The following TNS2 variants were observed in gnomAD, a reference collection of about 807,000 sequenced individuals.
TNS2 encodes tensin-2.
Under a neutral mutation model 155.7 loss-of-function variants are expected in TNS2, and 77 were observed. The ratio of observed to expected loss-of-function variants is 0.49; its 90% CI spans 0.41 to 0.60. TNS2 has a LOEUF of 0.60. Ranked by LOEUF, TNS2 falls within the 20% of genes least tolerant of loss-of-function variation. The pLI, the probability that TNS2 is intolerant of heterozygous loss-of-function variation, is 0.00. For synonymous variants in TNS2, 726 were observed against 763.9 expected, an observed-to-expected ratio of 0.95 and a Z score of 0.82; for missense variants, 1,703 against 1,868.8, an observed-to-expected ratio of 0.91 and a Z score of 1.64.
chr12:53,057,939 T>A (rs1944218493), intron 13 of TNS2, 88 bp from the exon 14 acceptor site: 1 of 1,608,272 alleles, frequency 6.2e-7, no homozygotes, highest in Admixed American at 1.7e-5. Context: ...GGGCTCAGAC[T>A]CTGGTCTCCT....
rs1565613505 is a variant in TNS2, at chr12:53,062,409, T to C, written c.3701T>C (p.Ile1234Thr). 4 of 1,613,942 alleles carry C rather than the reference T, an allele frequency of 2.5e-6. 1 individual carries two copies. The Admixed American group carries it at 5.0e-5, about 20-fold the overall frequency. ...SLSALVSQHS[I>T]SPISLPCCLR... ...TCCGCCTTGGTCTCCCAGCACTCCA[T>C]CTCCCCCATCTCCCTGCCCTGCTGC... is the stretch of plus-strand genomic sequence containing the variant. Residue 1234 changes from isoleucine to threonine, a missense_variant, in exon 24 of 29, where the codon ATC becomes ACC. Coordinates refer to ENST00000314250, the MANE Select transcript of TNS2 (RefSeq NM_170754.4).
upstream of TNS2, among the ~76,000 whole-genome samples, chr12:53,047,893 C>T (rs1348724624): frequency 6.6e-6 from 1 of 152,184 alleles, no homozygotes; most frequent in East Asian, 1.9e-4. Context: ...CGCTCCTTCC[C>T]TGGGCCTTAC....
intron 3 of TNS2, chr12:53,052,964 A>C (rs1351210832): frequency 3.4e-6 from 1 of 297,700 alleles, no homozygotes; most frequent in African/African-American, 2.2e-5. Flanking sequence ...CCCACTGTCC[A>C]CTGGGGACCT....
chr12:53,059,203 C>T lies in TNS2; in HGVS notation c.1562C>T (p.Thr521Ile), dbSNP rs1270273377. The T allele has an allele frequency of 5.7e-6, 9 of 1,589,182 alleles. No homozygotes were observed. Among genetic ancestry groups the T allele is most frequent in the Non-Finnish European group, 7.7e-6 (9 of 1,173,384 alleles). The change falls in exon 18 of 29, where the codon ACA becomes ATA. Residue 521 changes from threonine to isoleucine, a missense_variant. Coordinates refer to ENST00000314250, the MANE Select transcript of TNS2 (RefSeq NM_170754.4). This position sits in a 1 kb window ranked among gnomAD's most constrained non-coding sequence, Gnocchi z 4.7. ...SDSGHSSTLT[T>I]EPAAESPGRP... is the part of the protein sequence containing the mutation. ...TCAGGCCATTCCTCCACGCTGACCA[C>T]AGAGCCGGCTGCTGAGTCCCCTGGC...
At chr12:53,053,625 G>A (rs1278756127) in intron 4 of TNS2, 149 bp from the exon 5 acceptor site, 1 of 1,373,466 alleles carries the variant, frequency 7.3e-7, no homozygotes, top group African/African-American at 1.5e-5. Flanking sequence ...TTGTGCCCTT[G>A]GGCCTGCTGG....
chr12:53,049,852 G>C (rs1943859794), upstream of TNS2: 4 of 393,980 alleles, frequency 1.0e-5, no homozygotes, highest in South Asian at 4.3e-5. Flanking sequence ...TCCCTGGAGA[G>C]TGTGGTGTCC....
rs893412062 is a variant in TNS2 at position 53,054,334 on chromosome 12, C to G, written c.415C>G (p.Arg139Gly). ...CTTAGACCTCACCTACGTGACGGAG[C>G]GCATCTTGGCCGCCGCCTTCCCCGC... ...WDLDLTYVTERILAAAFPARP... is the reference protein window; with the variant it reads ...WDLDLTYVTEGILAAAFPARP... The change falls in exon 7 of 29, where the codon CGC becomes GGC. Residue 139 changes from arginine to glycine, a missense_variant. Physicochemically the swap from Arg to Gly is moderately radical, Grantham distance 125. Transcript: ENST00000314250. 6.2e-7 allele frequency: 1 copy of G among 1,612,976 alleles called. No individual in the cohort carries two copies. The highest frequency in any genetic ancestry group is 2.2e-5 in the East Asian group (1 of 44,888).
intron 23 of TNS2, 23 bp downstream of exon 23, chr12:53,062,268 A>G: frequency 6.2e-7 from 1 of 1,613,584 alleles, no homozygotes; most frequent in East Asian, 2.2e-5. Flanking sequence ...AGCCTGGGGA[A>G]GGCTACGTTG....
intron 2 of TNS2, 160 bp downstream of exon 2, chr12:53,052,123 T>A: frequency 1.6e-6 from 1 of 643,712 alleles, no homozygotes; most frequent in South Asian, 1.9e-5. Flanking sequence ...CAGATGGCCC[T>A]GGCTCCCCAT....
intron 10 of TNS2, chr12:53,056,467 TGAGACTCG>T (rs1944163171): frequency 6.5e-6 from 1 of 154,318 alleles, no homozygotes; most frequent in Non-Finnish European, 1.4e-5. Context: ...TTGCTCCATC[TGAGACTCG>T]GGATGGAATC....
chr12:53,047,346 C>T (rs1417552802), upstream of TNS2, among the ~76,000 whole-genome samples: 1 of 145,916 alleles, frequency 6.9e-6, no homozygotes, highest in African/African-American at 2.5e-5. Context: ...CCCCGCCGCG[C>T]CCCCGCCCGG....
At position 53,055,221 on chromosome 12, in the gene TNS2, C is replaced by T. The variant is rs760854862; in HGVS notation, c.558C>T (p.Thr186=). Residue 186 remains threonine (T), a synonymous_variant, in exon 8 of 29, where the codon ACC becomes ACT. Coordinates refer to ENST00000314250, the MANE Select transcript of TNS2 (RefSeq NM_170754.4). ...FNLSEKRHDL[T]RLNPKVQDFG... ...TTTCAGAGAAAAGGCATGACCTGAC[C>T]CGCTTAAACCCCAAGGTATGAAGGA... The T allele has an allele frequency of 5.6e-6, 9 of 1,613,900 alleles. No homozygotes were observed. In the South Asian group the frequency reaches 9.9e-5, roughly 18 times the overall value.
Position 53,061,232 on chromosome 12 carries a change from C to A in TNS2, c.3326C>A (p.Pro1109His). 1.3e-6 allele frequency: 2 copies of A among 1,569,936 alleles called. No homozygotes were observed. The highest frequency in any genetic ancestry group is 2.4e-5 in the South Asian group (2 of 83,132). Residue 1109 changes from proline to histidine, a missense_variant, in exon 20 of 29, where the codon CCT (proline) becomes CAT (histidine). Coordinates refer to ENST00000314250, the MANE Select transcript of TNS2 (RefSeq NM_170754.4). ...ATCAGTCACCATGTCACCTTCGCAC[C>A]TCTGCTCTCAGATAATGTCCCCCAA... The part of the protein sequence containing the change: ...RGISHHVTFA[P>H]LLSDNVPQTP...
At chr12:53,061,582 A>T in intron 21 of TNS2, 113 bp downstream of exon 21, 2 of 1,372,908 alleles carry the variant, frequency 1.5e-6, no homozygotes, top group Non-Finnish European at 2.0e-6. Flanking sequence ...AGCTGTGTTT[A>T]CTCTTGGCTG....
intron 1 of TNS2, among the ~76,000 whole-genome samples, chr12:53,051,493 C>T (rs1943929262): frequency 6.8e-6 from 1 of 146,376 alleles, no homozygotes; most frequent in African/African-American, 2.5e-5. Context: ...CACAGGTCTC[C>T]ATGCGGGGAG....
rs761614391 is a variant in TNS2 at position 53,052,471 on chromosome 12, G to C, written c.201G>C (p.Thr67=). 6.2e-7 allele frequency: 1 copy of C among 1,613,918 alleles called. No homozygotes were observed. Among genetic ancestry groups the C allele is most frequent in the Non-Finnish European group, 8.5e-7 (1 of 1,179,886 alleles). ...CTTCCCTAGTCTGCAAGGTGGCGAC[G>C]CACAGAAAATGTGAAGCAAAGGTGG... ...GVSCRVCKVA[T]HRKCEAKVTS... Residue 67 remains threonine, a synonymous_variant, in exon 3 of 29, where the codon ACG becomes ACC. Transcript: ENST00000314250.
Position 53,063,978 on chromosome 12 carries a change from AG to A in TNS2, c.*97del, listed in dbSNP as rs759766188. 1.4e-5 allele frequency: 19 copies of A among 1,390,076 alleles called. No homozygotes were observed. Among genetic ancestry groups the A allele is most frequent in the Non-Finnish European group, 1.9e-5 (19 of 1,014,306 alleles). The allele number at this position is 1,390,076 out of a possible 1,614,324, so 86.1% of individuals were successfully genotyped here. On this transcript the variant is annotated 3_prime_UTR_variant, in exon 29 of 29. Transcript: ENST00000314250. This position sits in a 1 kb window ranked among gnomAD's most constrained non-coding sequence, Gnocchi z 5.6. ...CTGGCCTGGACCCAGGAGACCCAGG[AG>A]AAAGCACCCTCCCTTAGGAATGAGG...
At chr12:53,056,811 A>G in intron 10 of TNS2, 1 of 515,706 alleles carries the variant, frequency 1.9e-6, no homozygotes, top group Non-Finnish European at 3.5e-6. Flanking sequence ...AGATGAAAAA[A>G]CTAAAGTTCA....
At position 53,061,431 on chromosome 12, in the gene TNS2, C is replaced by T; in HGVS notation, c.3410C>T (p.Ser1137Phe). The part of the protein sequence containing the change: ...QSNVKFVQDT[S>F]KFWYKPHLSR... Reference sequence around the variant, plus strand: ...AATGTCAAGTTTGTCCAGGATACATCCAAGTTCTGGTACAAGCCACACCTG... The same window carrying T: ...AATGTCAAGTTTGTCCAGGATACATTCAAGTTCTGGTACAAGCCACACCTG... The change falls in exon 21 of 29, where the codon TCC becomes TTC. Residue 1137 changes from serine to phenylalanine, a missense_variant. Transcript: ENST00000314250. 1 of 1,614,002 alleles carries T rather than the reference C, an allele frequency of 6.2e-7. No homozygotes were observed. Among genetic ancestry groups the T allele is most frequent in the Non-Finnish European group, 8.5e-7 (1 of 1,179,992 alleles).
Sources: allele counts gnomAD v4.1 joint callset (sites outside exome capture counted in the v4.1 genomes callset), GRCh38; gene constraint gnomAD v4.1.1; non-coding constraint Gnocchi (gnomAD v3.1); transcripts MANE v1.5; gene names NCBI Gene and HGNC (gene_info 2026-07-23, HGNC 2026-07-21).